Variants in VPS53 observed in about 807,000 individuals in gnomAD.
The protein encoded by VPS53 is VPS53 subunit of GARP complex.
In VPS53, 70 loss-of-function variants were observed where a neutral mutation model predicts 107.0. That is an observed-to-expected ratio of 0.65 (90% CI 0.54 to 0.80). The LOEUF (loss-of-function observed/expected upper bound fraction) is 0.80, where lower values mean the gene tolerates loss of function less well. Ranked by LOEUF, VPS53 falls within the 30% of genes least tolerant of loss-of-function variation. The pLI, the probability that VPS53 is intolerant of heterozygous loss-of-function variation, is 0.00. For synonymous variants in VPS53, 409 were observed against 393.3 expected (o/e 1.04, Z -0.47); for missense variants, 917 against 1,049.4 (o/e 0.87, Z 1.74).
At chr17:594,075 C>T (rs983009154) in intron 12 of VPS53, among the ~76,000 whole-genome samples, 55 of 152,022 alleles carry the variant, frequency 3.6e-4, no homozygotes, top group African/African-American at 1.1e-3. Context: ...AACCAAACAC[C>T]GCATATTCTC....
At chr17:577,284 C>T (rs1914704410) in intron 13 of VPS53, among the ~76,000 whole-genome samples, 1 of 151,520 alleles carries the variant, frequency 6.6e-6, no homozygotes, top group Non-Finnish European at 1.5e-5. Flanking sequence ...AGAGAACCTC[C>T]CTCAGAACCA....
intron 7 of VPS53, among the ~76,000 whole-genome samples, chr17:634,114 T>G (rs1246459501): frequency 6.6e-6 from 1 of 152,192 alleles, no homozygotes; most frequent in East Asian, 1.9e-4. Context: ...ATGACACTGG[T>G]GGGCCCGGCT....
intron 11 of VPS53, among the ~76,000 whole-genome samples, chr17:608,815 G>A (rs182483395): frequency 8.5e-4 from 129 of 151,712 alleles, no homozygotes; most frequent in Admixed American, 8.1e-3. Flanking sequence ...CAGGGTCTTC[G>A]TGGCCCAGGC....
At position 714,609 on chromosome 17, in the gene VPS53, G is replaced by T; in HGVS notation, c.87+14C>A. ...CGCACTCCCGTTTCCCCTCCTGAGGGGCGGAACGCTTACCTGCTCGATGGC... is the reference window on the plus strand; with the variant it reads ...CGCACTCCCGTTTCCCCTCCTGAGGTGCGGAACGCTTACCTGCTCGATGGC... On this transcript the variant is annotated intron_variant, in intron 1 of 21. Transcript: ENST00000437048. 6.2e-7 allele frequency: 1 copy of T among 1,605,794 alleles called. No homozygotes were observed. The highest frequency in any genetic ancestry group is 8.5e-7 in the Non-Finnish European group (1 of 1,175,984).
rs1457356331 is a variant in VPS53 at position 562,660 on chromosome 17, C to T, written c.1399G>A (p.Val467Met). 5.0e-6 allele frequency: 8 copies of T among 1,613,452 alleles called. No individual in the cohort carries two copies. In the Admixed American group the frequency reaches 5.0e-5, roughly 10 times the overall value. The change falls in exon 14 of 22, where the codon GTG becomes ATG. Residue 467 changes from valine (V) to methionine (M), a missense_variant. Val to Met is a conservative substitution (Grantham distance 21). Coordinates refer to ENST00000437048, the MANE Select transcript of VPS53 (RefSeq NM_001128159.3). Reference sequence around the variant, plus strand: ...AAGAGGTCGGCGCAGCTGGGGAGCACGGCACCCCCTTCATCAGTGTTGGGC... The same window carrying T: ...AAGAGGTCGGCGCAGCTGGGGAGCATGGCACCCCCTTCATCAGTGTTGGGC... Reference protein sequence around the residue: ...PKPNTDEGGAVLPSCADLFVY... With the variant: ...PKPNTDEGGAMLPSCADLFVY...
At chr17:621,578 T>C (rs1258023190) in intron 11 of VPS53, among the ~76,000 whole-genome samples, 1 of 152,234 alleles carries the variant, frequency 6.6e-6, no homozygotes, top group Non-Finnish European at 1.5e-5. Flanking sequence ...AGTCTTGTAA[T>C]TTTTTTCTGT....
intron 17 of VPS53, among the ~76,000 whole-genome samples, chr17:547,752 C>T (rs1377966034): frequency 6.6e-6 from 1 of 152,158 alleles, no homozygotes; most frequent in Non-Finnish European, 1.5e-5. Context: ...ATTCTCCTAC[C>T]TCAGCCTCCT....
Position 519,779 on chromosome 17 carries a change from A to T in VPS53, c.2328+47T>A. 7 of 1,350,284 alleles carry T rather than the reference A, an allele frequency of 5.2e-6. No individual in the cohort carries two copies. Among genetic ancestry groups the T allele is most frequent in the Non-Finnish European group, 7.2e-6 (7 of 966,174 alleles). The allele number at this position is 1,350,284 out of a possible 1,614,324, so 83.6% of individuals were successfully genotyped here. ...CCCAATTCCCGGTTAAGAACCGCTG[A>T]GTGTGAGGGGGATGAGCAGGTGTGG... On this transcript the variant is annotated intron_variant, in intron 21 of 21. Coordinates refer to ENST00000437048, the MANE Select transcript of VPS53 (RefSeq NM_001128159.3). This position sits in a 1 kb window ranked among gnomAD's most constrained non-coding sequence, Gnocchi z 5.0.
intron 7 of VPS53, among the ~76,000 whole-genome samples, chr17:651,955 G>C (rs1426626667): frequency 1.3e-5 from 2 of 151,910 alleles, no homozygotes; most frequent in African/African-American, 4.8e-5. Context: ...GAATAAGGTT[G>C]GGGGGAAAGT....
At position 576,576 on chromosome 17, in the gene VPS53, C is replaced by T. The variant is rs572769708; in HGVS notation, c.1313+9694G>A. On this transcript the variant is annotated intron_variant, in intron 13 of 21. Coordinates refer to ENST00000437048, the MANE Select transcript of VPS53 (RefSeq NM_001128159.3). ...ACCTAATGCGTTCCCAGAGAACCTC[C>T]CACAGACCTCAATGCATTCCCAGAG... Among the ~76,000 whole-genome samples the T allele has an allele frequency of 1.7e-4, 26 of 151,954 alleles. 1 individual carries two copies. The South Asian group carries it at 5.4e-3, about 32-fold the overall frequency.
intron 7 of VPS53, among the ~76,000 whole-genome samples, chr17:639,204 C>T (rs958716677): frequency 6.6e-6 from 1 of 152,144 alleles, no homozygotes; most frequent in Non-Finnish European, 1.5e-5. Flanking sequence ...TCCAGTTGAT[C>T]GAATTGGCTA....
intron 4 of VPS53, among the ~76,000 whole-genome samples, chr17:664,760 C>T (rs967197385): frequency 3.3e-5 from 5 of 152,114 alleles, no homozygotes; most frequent in African/African-American, 7.2e-5. Context: ...AAGAGGCAGC[C>T]GGTGCTGACG....
At chr17:553,229 A>T (rs1382309106) in intron 16 of VPS53, 151 bp downstream of exon 16, 1 of 558,282 alleles carries the variant, frequency 1.8e-6, no homozygotes, top group Non-Finnish European at 3.2e-6. Context: ...GGCAGTGAGC[A>T]AGCGTGTACA....
At chr17:612,506 C>T (rs1258907171) in intron 11 of VPS53, among the ~76,000 whole-genome samples, 1 of 135,492 alleles carries the variant, frequency 7.4e-6, no homozygotes, top group Non-Finnish European at 1.6e-5. Context: ...AGTGAATTCA[C>T]ACAGTGAAAA....
chr17:672,507 A>C (rs1325334863), intron 4 of VPS53, among the ~76,000 whole-genome samples: 1 of 152,198 alleles, frequency 6.6e-6, no homozygotes, highest in East Asian at 1.9e-4. Flanking sequence ...ACCCTCTAAG[A>C]ATCAGAGGTT....
rs1211552189 is a variant in VPS53 at position 508,983 on chromosome 17, T to C, written c.*10145A>G. ...ATAGAGGGAATCCAATGTAAAATTT[T>C]GTCCCATAAATTTGAAAACTGCTGG... On this transcript the variant is annotated 3_prime_UTR_variant, in exon 22 of 22. Transcript: ENST00000437048. 6.6e-6 allele frequency: 1 copy of C among 152,228 alleles called. No homozygotes were observed. Among genetic ancestry groups the C allele is most frequent in the African/African-American group, 2.4e-5 (1 of 41,422 alleles). The allele number at this position is 152,228 out of a possible 1,614,324, so 9.4% of individuals were successfully genotyped here.
chr17:656,952 C>G, intron 5 of VPS53: 1 of 1,066,830 alleles, frequency 9.4e-7, no homozygotes, highest in Non-Finnish European at 1.5e-6. Context: ...CCACTGGTGT[C>G]TTTCACATGA....
At chr17:541,092 G>A (rs888908427) in intron 17 of VPS53, among the ~76,000 whole-genome samples, 1 of 152,178 alleles carries the variant, frequency 6.6e-6, no homozygotes, top group African/African-American at 2.4e-5. Flanking sequence ...CAGACAGCTG[G>A]GCTCTGGGAA....
At chr17:621,968 T>C (rs62056504) in intron 11 of VPS53, among the ~76,000 whole-genome samples, 52,856 of 151,974 alleles carry the variant, frequency 0.35, 11,010 homozygotes, top group Non-Finnish European at 0.47. Context: ...TCCCAGCACT[T>C]TGGGAGGCCG....
Sources: gnomAD v4.1 joint callset for allele counts (sites outside exome capture counted in the v4.1 genomes callset) on GRCh38, gnomAD v4.1.1 for gene constraint, Gnocchi (gnomAD v3.1) non-coding constraint, MANE v1.5 for transcripts, NCBI Gene and HGNC (gene_info 2026-07-23, HGNC 2026-07-21) for gene names.